Variants in DHX35 observed in about 807,000 individuals in gnomAD.
The protein encoded by DHX35 is DEAH-box helicase 35, also known as probable ATP-dependent RNA helicase DHX35.
Under a neutral mutation model 99.6 loss-of-function variants are expected in DHX35, and 84 were observed. That is an observed-to-expected ratio of 0.84 (90% CI 0.71 to 1.01). DHX35 has a LOEUF of 1.01. Among genes scored for constraint, DHX35 ranks in the 50% least tolerant of loss-of-function variants. The pLI is 0.00. For missense variants in DHX35, 852 were observed against 888.5 expected (o/e 0.96, Z 0.52); for synonymous variants, 331 against 316.2 (o/e 1.05, Z -0.50).
At chr20:38,981,299 TC>T (rs1307179488) in intron 3 of DHX35, among the ~76,000 whole-genome samples, 1 of 152,186 alleles carries the variant, frequency 6.6e-6, no homozygotes, top group African/African-American at 2.4e-5. Flanking sequence ...GTGATGATTT[TC>T]TTTTCTCCTC....
chr20:38,983,738 G>A lies in DHX35; in HGVS notation c.307G>A (p.Val103Ile), dbSNP rs200037761. 4 of 1,614,076 alleles carry A rather than the reference G, an allele frequency of 2.5e-6. No individual in the cohort carries two copies. The East Asian group carries it at 8.9e-5, about 36-fold the overall frequency. The change falls in exon 4 of 22, where the codon GTA becomes ATA. Residue 103 changes from valine (V) to isoleucine (I), a missense_variant. By Grantham distance (29) the Val-to-Ile change is conservative (BLOSUM62 3). Coordinates refer to ENST00000252011, the MANE Select transcript of DHX35 (RefSeq NM_021931.4). ...CGGCTGGACAGCTGAAGGAAGAGTG[G>A]TAGGAGTGACCCAGCCTCGAAGAGT... is the stretch of plus-strand genomic sequence containing the variant. Reference protein sequence around the residue: ...EAGWTAEGRVVGVTQPRRVAA... With the variant: ...EAGWTAEGRVIGVTQPRRVAA...
At chr20:39,020,482 A>G (rs146069738) in intron 15 of DHX35, among the ~76,000 whole-genome samples, 69 of 152,324 alleles carry the variant, frequency 4.5e-4, no homozygotes, top group African/African-American at 1.5e-3. Context: ...TCTAGAAAGT[A>G]TAATTTGTTT....
intron 15 of DHX35, among the ~76,000 whole-genome samples, chr20:39,020,859 C>T (rs2086862279): frequency 6.6e-6 from 1 of 152,024 alleles, no homozygotes. Flanking sequence ...GATGGGGTTT[C>T]ACTATGTTGG....
At chr20:38,962,706 C>T (rs898003950) in intron 1 of DHX35, 4 of 434,036 alleles carry the variant, frequency 9.2e-6, no homozygotes, top group Non-Finnish European at 1.7e-5. Flanking sequence ...GATGGGGAAT[C>T]CTAAAGCTCC....
At chr20:39,034,405 C>A in intron 21 of DHX35, 88 bp downstream of exon 21, 2 of 1,108,840 alleles carry the variant, frequency 1.8e-6, no homozygotes, top group South Asian at 2.6e-5. Flanking sequence ...ATTTAATGCC[C>A]TATGTGTGTT....
chr20:39,018,749 G>T, intron 14 of DHX35, 55 bp from the exon 15 acceptor site: 1 of 1,520,544 alleles, frequency 6.6e-7, no homozygotes. Context: ...GCAACTGTGT[G>T]CCTTCCAACA....
intron 2 of DHX35, among the ~76,000 whole-genome samples, chr20:38,972,004 G>GTTTTTTTTTTTTTTTTTTTT (rs752049458): frequency 3.6e-4 from 29 of 81,046 alleles, no homozygotes; most frequent in Non-Finnish European, 4.6e-4. Context: ...GTTTTGTTTT[G>GTTTTTTTTTTTTTTTTTTTT]TTTTTTTTTT....
chr20:38,967,190 A>AGTTG (rs1433449078), intron 1 of DHX35, among the ~76,000 whole-genome samples: 3 of 152,160 alleles, frequency 2.0e-5, no homozygotes, highest in African/African-American at 7.2e-5. Context: ...TAGGAGAGGG[A>AGTTG]GTTCATAGCC....
Position 39,030,695 on chromosome 20 carries a change from T to C in DHX35, c.1884-9T>C, listed in dbSNP as rs762629480. ...ATGTGCTTCAGACAAAATTCTTCTA[T>C]GTTCCAAGGACCATCCGTGATGACC... is the stretch of plus-strand genomic sequence containing the variant. On this transcript the variant is annotated splice_polypyrimidine_tract_variant and intron_variant, in intron 19 of 21. Transcript: ENST00000252011. The C allele has an allele frequency of 2.5e-6, 4 of 1,613,746 alleles. No homozygotes were observed. The South Asian group carries it at 4.4e-5, about 18-fold the overall frequency.
intron 12 of DHX35, among the ~76,000 whole-genome samples, chr20:39,007,047 G>A (rs2086630246): frequency 1.3e-5 from 2 of 152,194 alleles, no homozygotes; most frequent in South Asian, 4.1e-4. Context: ...CAATTTCCAA[G>A]TCATTGTTAA....
chr20:38,975,288 G>A (rs1284847529), intron 3 of DHX35, among the ~76,000 whole-genome samples: 2 of 152,196 alleles, frequency 1.3e-5, no homozygotes, highest in African/African-American at 2.4e-5. Flanking sequence ...AAAGATAACC[G>A]TATATGCAGA....
At chr20:38,972,780 T>C in intron 3 of DHX35, 129 bp downstream of exon 3, 1 of 626,226 alleles carries the variant, frequency 1.6e-6, no homozygotes, top group Non-Finnish European at 2.8e-6. Context: ...TTCAACTAGA[T>C]ATTTTTTATT....
chr20:38,966,365 T>C (rs1238523792), intron 1 of DHX35, among the ~76,000 whole-genome samples: 4 of 152,198 alleles, frequency 2.6e-5, no homozygotes, highest in Non-Finnish European at 5.9e-5. Flanking sequence ...TCAACTGACA[T>C]AGCTGTTCTT....
At position 39,003,843 on chromosome 20, in the gene DHX35, A is replaced by G; in HGVS notation, c.947A>G (p.Tyr316Cys). The change falls in exon 11 of 22, where the codon TAT becomes TGT. Residue 316 changes from tyrosine (Y) to cysteine (C), a missense_variant. Physicochemically the swap from Tyr to Cys is radical, Grantham distance 194. Coordinates refer to ENST00000252011, the MANE Select transcript of DHX35 (RefSeq NM_021931.4). ...MKRHLRVLPM[Y>C]AGLPSFEQMK... ...AGACACCTCCGAGTTCTCCCCATGT[A>G]TGCAGGACTGCCTTCCTTTGAGCAA... 1 of 1,614,212 alleles carries G rather than the reference A, an allele frequency of 6.2e-7. No individual in the cohort carries two copies. The highest frequency in any genetic ancestry group is 8.5e-7 in the Non-Finnish European group (1 of 1,180,042).
intron 14 of DHX35, 24 bp downstream of exon 14, chr20:39,014,958 C>T (rs769856698): frequency 6.2e-7 from 1 of 1,613,634 alleles, no homozygotes. Context: ...TCTCATCATT[C>T]TCTCTTATTA....
chr20:38,969,213 A>G lies in DHX35; in HGVS notation c.173A>G (p.Lys58Arg). The G allele has an allele frequency of 2.5e-6, 4 of 1,607,484 alleles. No homozygotes were observed. The South Asian group carries it at 3.3e-5, about 13-fold the overall frequency. ...EQQRQKLPVFKLRNHILYLIE... is the reference protein window; with the variant it reads ...EQQRQKLPVFRLRNHILYLIE... ...CAGAGGCAGAAGCTGCCGGTATTCAAGGTACGTCAAATAATCATGTTCAAC... is the reference window on the plus strand; with the variant it reads ...CAGAGGCAGAAGCTGCCGGTATTCAGGGTACGTCAAATAATCATGTTCAAC... The change falls in exon 2 of 22, where the codon AAG (lysine) becomes AGG (arginine). Residue 58 changes from lysine (K) to arginine (R), a missense_variant and splice_region_variant. Coordinates refer to ENST00000252011, the MANE Select transcript of DHX35 (RefSeq NM_021931.4).
At position 38,962,397 on chromosome 20, in the gene DHX35, C is replaced by A. The variant is rs773718942; in HGVS notation, c.30C>A (p.Phe10Leu). 1 of 1,612,934 alleles carries A rather than the reference C, an allele frequency of 6.2e-7. No individual in the cohort carries two copies. The highest frequency in any genetic ancestry group is 2.2e-5 in the East Asian group (1 of 44,816). ...CTGCGCCCGTGGGACCGGTGAAGTT[C>A]TGGCGACCCGGTAAGGCCCTTGGTG... MAAPVGPVKFWRPGTEGPGV... is the reference protein window; with the variant it reads MAAPVGPVKLWRPGTEGPGV... Residue 10 changes from phenylalanine (F) to leucine (L), a missense_variant, in exon 1 of 22, where the codon TTC (phenylalanine) becomes TTA (leucine). By Grantham distance (22) the Phe-to-Leu change is conservative. Coordinates refer to ENST00000252011, the MANE Select transcript of DHX35 (RefSeq NM_021931.4).
intron 7 of DHX35, among the ~76,000 whole-genome samples, chr20:38,994,020 GCACAGTGGGTA>G (rs2086383539): frequency 1.3e-5 from 2 of 152,298 alleles, no homozygotes; most frequent in South Asian, 2.1e-4. Context: ...AGGCATCTTT[GCACAGTGGGTA>G]CACTGTGTAC....
At chr20:39,007,749 T>C (rs911046897) in intron 12 of DHX35, among the ~76,000 whole-genome samples, 1 of 151,990 alleles carries the variant, frequency 6.6e-6, no homozygotes, top group African/African-American at 2.4e-5. Context: ...AGGGAGGGAA[T>C]AGGCAGAACC....
Sources: allele counts gnomAD v4.1 joint callset (sites outside exome capture counted in the v4.1 genomes callset), GRCh38; gene constraint gnomAD v4.1.1; transcripts MANE v1.5; gene names NCBI Gene and HGNC (gene_info 2026-07-23, HGNC 2026-07-21).